Variants in PHACTR3 observed in about 807,000 individuals in gnomAD.
The protein encoded by PHACTR3 is phosphatase and actin regulator 3, also known as protein phosphatase 1, regulatory subunit 123.
Under a neutral mutation model 66.8 loss-of-function variants are expected in PHACTR3, and 16 were observed. The ratio of observed to expected loss-of-function variants is 0.24; its 90% CI spans 0.16 to 0.36. PHACTR3 has a LOEUF of 0.36. PHACTR3 is among the 10% of genes least tolerant of loss of function. The pLI is 1.00. For synonymous variants in PHACTR3, 323 were observed against 292.1 expected (o/e 1.11, Z -1.08); for missense variants, 647 against 719.9 (o/e 0.90, Z 1.16).
chr20:59,644,330 C>A (rs773285820), intron 1 of PHACTR3, among the ~76,000 whole-genome samples: 35 of 152,180 alleles, frequency 2.3e-4, no homozygotes, highest in Non-Finnish European at 3.7e-4. Flanking sequence ...TTTGAATTAA[C>A]TTCTATTTGT....
chr20:59,752,646 G>A (rs2039639438), intron 3 of PHACTR3, among the ~76,000 whole-genome samples: 1 of 146,286 alleles, frequency 6.8e-6, no homozygotes, highest in Non-Finnish European at 1.6e-5. Context: ...TCTGAGTCTG[G>A]AGACCTCTGG....
intron 1 of PHACTR3, among the ~76,000 whole-genome samples, chr20:59,682,159 G>A (rs2036683750): frequency 6.6e-6 from 1 of 152,164 alleles, no homozygotes; most frequent in East Asian, 1.9e-4. Flanking sequence ...GGCCAACATG[G>A]CAAAACCCCG....
At position 59,633,196 on chromosome 20, in the gene PHACTR3, G is replaced by A. The variant is rs145156814; in HGVS notation, c.118+28064G>A. Among the ~76,000 whole-genome samples the A allele has an allele frequency of 4.9e-4, 74 of 152,306 alleles. 1 individual carries two copies. The East Asian group carries it at 0.014, about 29-fold the overall frequency. ...TATAAATCATTCTATAAAGACATAT[G>A]CATACGTGTGTTTATTGCAGCACTA... is the stretch of plus-strand genomic sequence containing the variant. On this transcript the variant is annotated intron_variant, in intron 1 of 12. Coordinates refer to ENST00000371015, the MANE Select transcript of PHACTR3 (RefSeq NM_080672.5).
intron 8 of PHACTR3, among the ~76,000 whole-genome samples, chr20:59,810,666 T>A (rs1182529): frequency 2.6e-5 from 4 of 152,082 alleles, no homozygotes; most frequent in South Asian, 2.1e-4. Context: ...TGAGTGTTCC[T>A]GGGCCTTTTC....
At chr20:59,722,190 C>T (rs566657236) in intron 1 of PHACTR3, among the ~76,000 whole-genome samples, 1 of 152,132 alleles carries the variant, frequency 6.6e-6, no homozygotes, top group South Asian at 2.1e-4. Flanking sequence ...CAAGAACATG[C>T]CACTGCACTC....
Position 59,773,376 on chromosome 20 carries a change from G to C in PHACTR3, c.849G>C (p.Thr283=). 1 of 1,614,120 alleles carries C rather than the reference G, an allele frequency of 6.2e-7. No homozygotes were observed. Among genetic ancestry groups the C allele is most frequent in the Non-Finnish European group, 8.5e-7 (1 of 1,180,038 alleles). The stretch of plus-strand genomic sequence containing the variant: ...CCACGGGGTCTCCGCATCTCACCAC[G>C]GTCCACCGGCCTCTTCCCCCAAGCC... ...STPTGSPHLT[T]VHRPLPPSRV... Residue 283 remains threonine, a synonymous_variant, in exon 6 of 13, where the codon ACG becomes ACC. Coordinates refer to ENST00000371015, the MANE Select transcript of PHACTR3 (RefSeq NM_080672.5).
chr20:59,603,888 C>A (rs958240304), upstream of PHACTR3: 1 of 152,860 alleles, frequency 6.5e-6, no homozygotes, highest in Non-Finnish European at 1.5e-5. Flanking sequence ...CCTGTGTTCA[C>A]CCCACACCAC....
In PHACTR3 at chr20:59,701,457, G is replaced by GT. The variant is rs1487620797; in HGVS notation, c.119-41650_119-41649insT. On this transcript the variant is annotated intron_variant, in intron 1 of 12. Transcript: ENST00000371015. The stretch of plus-strand genomic sequence containing the variant: ...CTACCATCTGTCTGCCAGTCTCTGG[G>GT]GACACTAGTTACTCTGACAGTCTAG... Among the ~76,000 whole-genome samples the GT allele has an allele frequency of 7.3e-4, 111 of 152,202 alleles. No homozygotes were observed. The Middle Eastern group carries it at 0.014, about 19-fold the overall frequency.
rs2040358290 is a variant in PHACTR3, at chr20:59,771,471, C to T, written c.752-1808C>T. ...CTCCTTGTCATTTCTCAGGTCTCAGCTCAAAGTTTCCCTCTGCAGAGCAGC... is the reference window on the plus strand; with the variant it reads ...CTCCTTGTCATTTCTCAGGTCTCAGTTCAAAGTTTCCCTCTGCAGAGCAGC... On this transcript the variant is annotated intron_variant, in intron 5 of 12. Coordinates refer to ENST00000371015, the MANE Select transcript of PHACTR3 (RefSeq NM_080672.5). Among the ~76,000 whole-genome samples, 3 of 152,254 alleles carry T rather than the reference C, an allele frequency of 2.0e-5. No individual in the cohort carries two copies. The South Asian group carries it at 6.2e-4, about 32-fold the overall frequency.
At chr20:59,826,867 C>T (rs77366541) in intron 8 of PHACTR3, among the ~76,000 whole-genome samples, 11,876 of 152,242 alleles carry the variant, frequency 0.078, 779 homozygotes, top group African/African-American at 0.18. Context: ...ACATTCTCTG[C>T]GTTACCTTGA....
chr20:59,688,001 C>G (rs1426766219), intron 1 of PHACTR3, among the ~76,000 whole-genome samples: 1 of 152,132 alleles, frequency 6.6e-6, no homozygotes, highest in African/African-American at 2.4e-5. Flanking sequence ...TTTCTCTTTT[C>G]TAACAAGCAG....
At chr20:59,667,856 C>T (rs1466199452) in intron 1 of PHACTR3, among the ~76,000 whole-genome samples, 1 of 152,246 alleles carries the variant, frequency 6.6e-6, no homozygotes, top group Non-Finnish European at 1.5e-5. Flanking sequence ...CATTCAGGCA[C>T]TGCTCATGCT....
intron 9 of PHACTR3, 78 bp from the exon 10 acceptor site, chr20:59,840,291 C>G: frequency 1.3e-6 from 2 of 1,540,840 alleles, no homozygotes; most frequent in Non-Finnish European, 1.7e-6. Context: ...ATCTTGGGAA[C>G]ACTTCCCTGC....
At chr20:59,678,417 G>T (rs1480440075) in intron 1 of PHACTR3, among the ~76,000 whole-genome samples, 1 of 152,126 alleles carries the variant, frequency 6.6e-6, no homozygotes, top group Non-Finnish European at 1.5e-5. Flanking sequence ...GGAGTTGTTG[G>T]CATGAAGGCA....
At chr20:59,840,238 C>A (rs899711262) in intron 9 of PHACTR3, 131 bp from the exon 10 acceptor site, 1 of 1,392,436 alleles carries the variant, frequency 7.2e-7, no homozygotes, top group Non-Finnish European at 9.5e-7. Flanking sequence ...AAGAAAACAC[C>A]ATGAGTGATG....
At chr20:59,684,319 G>T (rs975797522) in intron 1 of PHACTR3, among the ~76,000 whole-genome samples, 1 of 152,156 alleles carries the variant, frequency 6.6e-6, no homozygotes, top group African/African-American at 2.4e-5. Context: ...AGCCAGGATC[G>T]ACCTTGTTCA....
rs138522685 is a variant in PHACTR3 at position 59,653,405 on chromosome 20, G to A, written c.118+48273G>A. 6.6e-3 allele frequency among the ~76,000 whole-genome samples: 998 copies of A among 152,120 alleles called. 8 individuals are homozygous for A. The highest frequency in any genetic ancestry group is 0.024 in the Middle Eastern group (7 of 294). ...TCACTATGTTGGTCAGGCTGGTCTCGAACTCCTGATCCTGTGATCCACCTG... is the reference window on the plus strand; with the variant it reads ...TCACTATGTTGGTCAGGCTGGTCTCAAACTCCTGATCCTGTGATCCACCTG... On this transcript the variant is annotated intron_variant, in intron 1 of 12. Coordinates refer to ENST00000371015, the MANE Select transcript of PHACTR3 (RefSeq NM_080672.5).
In PHACTR3 at chr20:59,697,740, T is replaced by A. The variant is rs569655828; in HGVS notation, c.119-45367T>A. Among the ~76,000 whole-genome samples, 3 of 152,290 alleles carry A rather than the reference T, an allele frequency of 2.0e-5. No homozygotes were observed. In the South Asian group the frequency reaches 6.2e-4, roughly 32 times the overall value. On this transcript the variant is annotated intron_variant, in intron 1 of 12. Transcript: ENST00000371015. ...TTCACCTAAGAGATTGACAAAAAAATTTAATTTAATCAATAAATTACCCAG... is the reference window on the plus strand; with the variant it reads ...TTCACCTAAGAGATTGACAAAAAAAATTAATTTAATCAATAAATTACCCAG...
At chr20:59,788,398 C>G (rs950052546) in intron 7 of PHACTR3, among the ~76,000 whole-genome samples, 1 of 152,158 alleles carries the variant, frequency 6.6e-6, no homozygotes, top group African/African-American at 2.4e-5. Flanking sequence ...GGATGCCCCC[C>G]ACGCCTGGCA....
Sources: gnomAD v4.1 joint callset for allele counts (sites outside exome capture counted in the v4.1 genomes callset) on GRCh38, gnomAD v4.1.1 for gene constraint, MANE v1.5 for transcripts, NCBI Gene and HGNC (gene_info 2026-07-23, HGNC 2026-07-21) for gene names.